Variants in RAB2A observed in about 807,000 individuals in gnomAD.
RAB2A encodes RAB2A, member RAS oncogene family, also known as ras-related protein Rab-2A.
In RAB2A, 7 loss-of-function variants were observed where a neutral mutation model predicts 32.5. That is an observed-to-expected ratio of 0.22 (90% CI 0.12 to 0.40). The LOEUF (loss-of-function observed/expected upper bound fraction) is 0.40, where lower values mean the gene tolerates loss of function less well. RAB2A is among the 10% of genes least tolerant of loss of function. RAB2A has a pLI of 1.00. For synonymous variants in RAB2A, 79 were observed against 85.2 expected (o/e 0.93, Z 0.40); for missense variants, 108 against 260.7 (o/e 0.41, Z 4.03).
At chr8:60,616,226 A>T (rs1008376793) in intron 6 of RAB2A, among the ~76,000 whole-genome samples, 2 of 152,374 alleles carry the variant, frequency 1.3e-5, no homozygotes, top group East Asian at 3.8e-4. Flanking sequence ...TTTATGTAGC[A>T]TCACTTTCTT....
intron 2 of RAB2A, among the ~76,000 whole-genome samples, chr8:60,565,695 T>TTTTTTTTTTTTTTTTTTTG (rs1808100889): frequency 5.8e-5 from 1 of 17,294 alleles, no homozygotes. Flanking sequence ...TTTTTTTTTT[T>TTTTTTTTTTTTTTTTTTTG]TTTTTTTTTT....
chr8:60,556,459 TATAA>T (rs60290016), intron 1 of RAB2A, among the ~76,000 whole-genome samples: 5,737 of 152,058 alleles, frequency 0.038, 320 homozygotes, highest in African/African-American at 0.13. Context: ...ATATCACTCT[TATAA>T]ATAAGTACAA....
In RAB2A at chr8:60,572,010, C is replaced by T. The variant is rs752998204; in HGVS notation, c.119-36C>T. ...TCCTTGAAAGTGAGATATATTCCCA[C>T]TAATTTTGTAACAAATCATTTCCTA... On this transcript the variant is annotated intron_variant, in intron 2 of 7. Coordinates refer to ENST00000262646, the MANE Select transcript of RAB2A (RefSeq NM_002865.3). 6.1e-6 allele frequency: 9 copies of T among 1,481,268 alleles called. No individual in the cohort carries two copies. In the East Asian group the frequency reaches 1.4e-4, roughly 23 times the overall value. 91.8% of individuals were successfully genotyped at this position (1,481,268 alleles called of 1,614,324 possible).
At chr8:60,615,293 C>A (rs1804430169) in intron 6 of RAB2A, among the ~76,000 whole-genome samples, 1 of 152,080 alleles carries the variant, frequency 6.6e-6, no homozygotes, top group South Asian at 2.1e-4. Context: ...GCTAGAGATT[C>A]AAAACTACAA....
At chr8:60,547,251 T>G (rs559041458) in intron 1 of RAB2A, among the ~76,000 whole-genome samples, 138 of 152,306 alleles carry the variant, frequency 9.1e-4, no homozygotes, top group African/African-American at 3.2e-3. Context: ...GGCAGAAGAA[T>G]TTTTCTTAGT....
intron 1 of RAB2A, among the ~76,000 whole-genome samples, chr8:60,546,000 T>C (rs1469346385): frequency 6.6e-6 from 1 of 152,232 alleles, no homozygotes; most frequent in African/African-American, 2.4e-5. Context: ...GGAATACAGA[T>C]CTTGCCCTGA....
intron 1 of RAB2A, among the ~76,000 whole-genome samples, chr8:60,550,781 T>C (rs1337524405): frequency 6.6e-6 from 1 of 152,210 alleles, no homozygotes; most frequent in Non-Finnish European, 1.5e-5. Flanking sequence ...ACTTCTCTGC[T>C]GAAAACTCTC....
At chr8:60,534,041 A>C (rs924365591) in intron 1 of RAB2A, among the ~76,000 whole-genome samples, 1 of 152,208 alleles carries the variant, frequency 6.6e-6, no homozygotes, top group Non-Finnish European at 1.5e-5. Context: ...TGGAGTTCGA[A>C]AAATGAAGAC....
At chr8:60,551,050 A>G (rs893848475) in intron 1 of RAB2A, among the ~76,000 whole-genome samples, 1 of 152,122 alleles carries the variant, frequency 6.6e-6, no homozygotes, top group African/African-American at 2.4e-5. Flanking sequence ...TTAAACCTTC[A>G]TTTAAATCTC....
At chr8:60,548,758 C>T (rs539758492) in intron 1 of RAB2A, among the ~76,000 whole-genome samples, 2 of 135,242 alleles carry the variant, frequency 1.5e-5, no homozygotes, top group Non-Finnish European at 3.1e-5. Context: ...GGCGGCTGGC[C>T]GGGCGGGGGG....
chr8:60,605,841 A>G (rs1021363272), intron 6 of RAB2A, among the ~76,000 whole-genome samples: 1 of 139,466 alleles, frequency 7.2e-6, no homozygotes, highest in Non-Finnish European at 1.5e-5. Flanking sequence ...ACATATATAC[A>G]TATATATATA....
intron 6 of RAB2A, among the ~76,000 whole-genome samples, chr8:60,602,285 T>C (rs977381620): frequency 2.0e-5 from 3 of 152,204 alleles, no homozygotes; most frequent in Non-Finnish European, 4.4e-5. Flanking sequence ...TTTTGAGTCT[T>C]ATATCCCATT....
At chr8:60,563,863 C>T (rs2130834083) in intron 2 of RAB2A, among the ~76,000 whole-genome samples, 1 of 152,262 alleles carries the variant, frequency 6.6e-6, no homozygotes, top group East Asian at 1.9e-4. Flanking sequence ...TAGCTGTGCC[C>T]TTATAATCAT....
intron 2 of RAB2A, among the ~76,000 whole-genome samples, chr8:60,571,175 TGTAAGTGTGAA>T (rs891011479): frequency 5.3e-5 from 8 of 152,200 alleles, no homozygotes; most frequent in Non-Finnish European, 1.0e-4. Context: ...GTAGTAAACT[TGTAAGTGTGAA>T]GTCTGTGTTC....
At chr8:60,517,393 C>A in intron 1 of RAB2A, 140 bp downstream of exon 1, 1 of 798,360 alleles carries the variant, frequency 1.3e-6, no homozygotes. Context: ...TTCCGCAGTG[C>A]TGGAGCTGGT....
chr8:60,570,796 T>C (rs1331098815), intron 2 of RAB2A, among the ~76,000 whole-genome samples: 1 of 152,218 alleles, frequency 6.6e-6, no homozygotes, highest in Non-Finnish European at 1.5e-5. Context: ...AAGCTCATCG[T>C]TTTATGTCAT....
At chr8:60,558,441 T>G (rs1055451171) in intron 1 of RAB2A, 1 of 513,992 alleles carries the variant, frequency 1.9e-6, no homozygotes, top group African/African-American at 1.9e-5. Flanking sequence ...CAGACACTTA[T>G]TGCTGGCTTA....
chr8:60,598,098 T>G (rs1002268815), intron 6 of RAB2A, among the ~76,000 whole-genome samples: 11 of 152,146 alleles, frequency 7.2e-5, no homozygotes, highest in Non-Finnish European at 1.3e-4. Context: ...CTCGGGAGGC[T>G]AAGGCAGGAA....
At chr8:60,593,429 C>T (rs1238293607) in intron 6 of RAB2A, among the ~76,000 whole-genome samples, 1 of 152,130 alleles carries the variant, frequency 6.6e-6, no homozygotes, top group African/African-American at 2.4e-5. Context: ...GTCTTCTAGC[C>T]AGAGAACCAG....
Sources: allele counts gnomAD v4.1 joint callset (sites outside exome capture counted in the v4.1 genomes callset), GRCh38; gene constraint gnomAD v4.1.1; transcripts MANE v1.5; gene names NCBI Gene and HGNC (gene_info 2026-07-23, HGNC 2026-07-21).